SLC26A2: variants seen among roughly 807,000 people sequenced by gnomAD.
The protein encoded by SLC26A2 is sulfate transporter.
A neutral mutation model predicts 41.1 loss-of-function variants in SLC26A2; 36 were observed. That is an observed-to-expected ratio of 0.88 (90% CI 0.67 to 1.16). SLC26A2 has a LOEUF of 1.16. SLC26A2 is among the 50% of genes most tolerant of loss of function. SLC26A2 has a pLI of 0.00. For missense variants in SLC26A2, 796 were observed against 869.6 expected, an observed-to-expected ratio of 0.92 and a Z score of 1.07; for synonymous variants, 291 against 311.6, an observed-to-expected ratio of 0.93 and a Z score of 0.70.
At position 149,982,933 on chromosome 5, in the gene SLC26A2, A is replaced by G. The variant is rs989280215; in HGVS notation, c.*1120A>G. 1 of 152,186 alleles carries G rather than the reference A, an allele frequency of 6.6e-6. No homozygotes were observed. The highest frequency in any genetic ancestry group is 1.5e-5 in the Non-Finnish European group (1 of 68,016). The allele number at this position is 152,186 out of a possible 1,614,324, so 9.4% of individuals were successfully genotyped here. ...CAAGAATGTCCAACACTGAAAGTTTATAGTTTTATATTTGGACCTTGAAAG... is the reference window on the plus strand; with the variant it reads ...CAAGAATGTCCAACACTGAAAGTTTGTAGTTTTATATTTGGACCTTGAAAG... On this transcript the variant is annotated 3_prime_UTR_variant, in exon 3 of 3. Coordinates refer to ENST00000286298, the MANE Select transcript of SLC26A2 (RefSeq NM_000112.4).
rs767534399 is a variant in SLC26A2, at chr5:149,981,643, G to C, written c.2050G>C (p.Ala684Pro). 2.5e-6 allele frequency: 4 copies of C among 1,614,050 alleles called. No individual in the cohort carries two copies. Among genetic ancestry groups the C allele is most frequent in the Non-Finnish European group, 3.4e-6 (4 of 1,179,984 alleles). The change falls in exon 3 of 3, where the codon GCT (alanine) becomes CCT (proline). Residue 684 changes from alanine to proline, a missense_variant. By Grantham distance (27) the Ala-to-Pro change is conservative. Coordinates refer to ENST00000286298, the MANE Select transcript of SLC26A2 (RefSeq NM_000112.4). ...AGCCATTGGAATCCAGGTTCTGCTG[G>C]CTCAGTGCAATCCCACTGTGAGGGA... is the stretch of plus-strand genomic sequence containing the variant. ...YEAIGIQVLLAQCNPTVRDSL... is the reference protein window; with the variant it reads ...YEAIGIQVLLPQCNPTVRDSL...
chr5:149,974,267 A>G (rs1754953313), intron 1 of SLC26A2, among the ~76,000 whole-genome samples: 1 of 152,072 alleles, frequency 6.6e-6, no homozygotes, highest in South Asian at 2.1e-4. Context: ...TAAGTAATAT[A>G]TGTTTTTTCT....
chr5:149,985,588 C>T lies in SLC26A2; in HGVS notation c.*3775C>T, dbSNP rs971746047. 6.6e-6 allele frequency: 1 copy of T among 152,102 alleles called. No individual in the cohort carries two copies. The highest frequency in any genetic ancestry group is 1.5e-5 in the Non-Finnish European group (1 of 68,026). 9.4% of individuals were successfully genotyped at this position (152,102 alleles called of 1,614,324 possible). A position where few individuals can be genotyped will look rare whatever the true frequency, so the allele number is the denominator to read the frequency against. On this transcript the variant is annotated 3_prime_UTR_variant, in exon 3 of 3. Transcript: ENST00000286298. The stretch of plus-strand genomic sequence containing the variant: ...AGAACATGTTAGGGTTAGCCCTGAT[C>T]TGAATATAAAAGTGAGAAAAGGGCT...
At chr5:149,963,455 T>C (rs1336681361) in intron 1 of SLC26A2, among the ~76,000 whole-genome samples, 3 of 152,118 alleles carry the variant, frequency 2.0e-5, no homozygotes, top group African/African-American at 7.2e-5. Context: ...ATCTTTTTAT[T>C]TTTAGTAGAG....
chr5:149,961,340 A>G (rs1754701667), intron 1 of SLC26A2, among the ~76,000 whole-genome samples: 1 of 152,210 alleles, frequency 6.6e-6, no homozygotes, highest in African/African-American at 2.4e-5. Flanking sequence ...GATAGGAGCC[A>G]CCACCACCTC....
At position 149,982,563 on chromosome 5, in the gene SLC26A2, C is replaced by T. The variant is rs1202747127; in HGVS notation, c.*750C>T. On this transcript the variant is annotated 3_prime_UTR_variant, in exon 3 of 3. Coordinates refer to ENST00000286298, the MANE Select transcript of SLC26A2 (RefSeq NM_000112.4). ...ATCAGAAAAAACAATAGGAGTCCTTCCTTGTCTTTTCTGTGATCTCTGTCC... is the reference window on the plus strand; with the variant it reads ...ATCAGAAAAAACAATAGGAGTCCTTTCTTGTCTTTTCTGTGATCTCTGTCC... 1 of 152,198 alleles carries T rather than the reference C, an allele frequency of 6.6e-6. No homozygotes were observed. Among genetic ancestry groups the T allele is most frequent in the African/African-American group, 2.4e-5 (1 of 41,450 alleles). 9.4% of individuals were successfully genotyped at this position (152,198 alleles called of 1,614,324 possible). A position where few individuals can be genotyped will look rare whatever the true frequency, so the allele number is the denominator to read the frequency against.
chr5:149,976,868 A>C (rs1755000132), intron 1 of SLC26A2, among the ~76,000 whole-genome samples: 1 of 152,206 alleles, frequency 6.6e-6, no homozygotes, highest in East Asian at 1.9e-4. Flanking sequence ...GGCCCTGCCC[A>C]CAGGGCAGAT....
rs772074266 is a variant in SLC26A2, at chr5:149,981,229, A to G, written c.1636A>G (p.Thr546Ala). Residue 546 changes from threonine to alanine, a missense_variant, in exon 3 of 3, where the codon ACT (threonine) becomes GCT (alanine). Coordinates refer to ENST00000286298, the MANE Select transcript of SLC26A2 (RefSeq NM_000112.4). ...TTCTATATTTTGTGTCATCCTCCGC[A>G]CTCAGAAGCCAAAGAGTTCACTGCT... ...CFSIFCVILRTQKPKSSLLGL... is the reference protein window; with the variant it reads ...CFSIFCVILRAQKPKSSLLGL... 11 of 1,614,090 alleles carry G rather than the reference A, an allele frequency of 6.8e-6. No homozygotes were observed. The South Asian group carries it at 1.1e-4, about 16-fold the overall frequency.
In SLC26A2 at chr5:149,981,660, T is replaced by C. The variant is rs1031947295; in HGVS notation, c.2067T>C (p.Thr689=). Residue 689 remains threonine, a synonymous_variant, in exon 3 of 3, where the codon ACT becomes ACC. Transcript: ENST00000286298. The part of the protein sequence containing the change: ...IQVLLAQCNP[T]VRDSLTNGEY... Reference sequence around the variant, plus strand: ...TTCTGCTGGCTCAGTGCAATCCCACTGTGAGGGATTCCCTAACCAACGGAG... The same window carrying C: ...TTCTGCTGGCTCAGTGCAATCCCACCGTGAGGGATTCCCTAACCAACGGAG... 8 of 1,613,658 alleles carry C rather than the reference T, an allele frequency of 5.0e-6. No homozygotes were observed. The highest frequency in any genetic ancestry group is 6.8e-6 in the Non-Finnish European group (8 of 1,179,744).
In SLC26A2 at chr5:149,986,704, A is replaced by G. The variant is rs578249923; in HGVS notation, c.*4891A>G. ...AGTCTAAAAACTGGAATAATGAAGG[A>G]CACTAAATGCCTTTATTGTAGATAC... On this transcript the variant is annotated 3_prime_UTR_variant, in exon 3 of 3. Transcript: ENST00000286298. 2.6e-5 allele frequency: 4 copies of G among 152,320 alleles called. No individual in the cohort carries two copies. The South Asian group carries it at 8.3e-4, about 32-fold the overall frequency. The allele number at this position is 152,320 out of a possible 1,614,324, so 9.4% of individuals were successfully genotyped here.
chr5:149,978,260 T>C lies in SLC26A2; in HGVS notation c.608T>C (p.Leu203Ser). 6.2e-7 allele frequency: 1 copy of C among 1,614,150 alleles called. No homozygotes were observed. Among genetic ancestry groups the C allele is most frequent in the Non-Finnish European group, 8.5e-7 (1 of 1,179,986 alleles). Residue 203 changes from leucine (L) to serine (S), a missense_variant, in exon 2 of 3, where the codon TTA becomes TCA. Leu to Ser is a moderately radical substitution (Grantham distance 145, BLOSUM62 -2). Coordinates refer to ENST00000286298, the MANE Select transcript of SLC26A2 (RefSeq NM_000112.4). ...GGAATGGTTTCAAATGGGAGCACAT[T>C]ATTAAATCATACATCAGACAGGATA... ...SLGMVSNGST[L>S]LNHTSDRICD...
chr5:149,981,055 A>G lies in SLC26A2; in HGVS notation c.1462A>G (p.Ile488Val), dbSNP rs757709677. 6.2e-7 allele frequency: 1 copy of G among 1,614,048 alleles called. No homozygotes were observed. The highest frequency in any genetic ancestry group is 1.3e-5 in the African/African-American group (1 of 74,918). ...AAAAAGTGTCCTTGGTGTGATCACA[A>G]TTGTAAATCTACGGGGAGCCCTTCG... ...LQKSVLGVIT[I>V]VNLRGALRKF... is the part of the protein sequence containing the mutation. The change falls in exon 3 of 3, where the codon ATT (isoleucine) becomes GTT (valine). Residue 488 changes from isoleucine to valine, a missense_variant. By Grantham distance (29) the Ile-to-Val change is conservative. Coordinates refer to ENST00000286298, the MANE Select transcript of SLC26A2 (RefSeq NM_000112.4).
intron 1 of SLC26A2, among the ~76,000 whole-genome samples, chr5:149,967,145 A>G (rs951216295): frequency 3.3e-5 from 5 of 152,254 alleles, no homozygotes; most frequent in Admixed American, 2.6e-4. Context: ...TCTGAGCAAC[A>G]GAGTGAGACT....
rs2113699563 is a variant in SLC26A2, at chr5:149,981,586, C to CA, written c.1994dup (p.His665GlnfsTer11). Reference sequence around the variant, plus strand: ...TCAATTTTTAGATACAGCAGGGATCCACACACTGAAAGAAGTTCGCAGAGA... The same window carrying CA: ...TCAATTTTTAGATACAGCAGGGATCCAACACACTGAAAGAAGTTCGCAGAGA... On this transcript the variant is annotated frameshift_variant, in exon 3 of 3. Transcript: ENST00000286298. LOFTEE classifies it high-confidence loss of function. 6.2e-7 allele frequency: 1 copy of CA among 1,613,866 alleles called. No individual in the cohort carries two copies. The highest frequency in any genetic ancestry group is 8.5e-7 in the Non-Finnish European group (1 of 1,179,908).
At chr5:149,976,514 AG>A (rs1482838149) in intron 1 of SLC26A2, among the ~76,000 whole-genome samples, 1 of 152,240 alleles carries the variant, frequency 6.6e-6, no homozygotes, top group Non-Finnish European at 1.5e-5. Flanking sequence ...GGCCATTCTA[AG>A]CTAAGTAAAC....
Position 149,978,275 on chromosome 5 carries a change from C to T in SLC26A2, c.623C>T (p.Ser208Leu), listed in dbSNP as rs2113696278. The change falls in exon 2 of 3, where the codon TCA becomes TTA. Residue 208 changes from serine (S) to leucine (L), a missense_variant. Ser to Leu is a moderately radical substitution (Grantham distance 145). Transcript: ENST00000286298. ...SNGSTLLNHT[S>L]DRICDKSCYA... ...GGGAGCACATTATTAAATCATACAT[C>T]AGACAGGATATGTGACAAAAGTTGC... The T allele has an allele frequency of 6.2e-7, 1 of 1,614,090 alleles. No homozygotes were observed. Among genetic ancestry groups the T allele is most frequent in the Non-Finnish European group, 8.5e-7 (1 of 1,179,986 alleles).
Position 149,981,786 on chromosome 5 carries a change from C to T in SLC26A2, c.2193C>T (p.Pro731=), listed in dbSNP as rs2113699885. The T allele has an allele frequency of 1.2e-6, 2 of 1,612,506 alleles. No homozygotes were observed. The highest frequency in any genetic ancestry group is 1.1e-5 in the South Asian group (1 of 90,880). ...VSKNQKGVCV[P]NGLSLSSD is the part of the protein sequence containing the mutation. Reference sequence around the variant, plus strand: ...AAAATCAGAAAGGAGTATGTGTTCCCAATGGTCTGAGTCTTAGTAGTGATT... The same window carrying T: ...AAAATCAGAAAGGAGTATGTGTTCCTAATGGTCTGAGTCTTAGTAGTGATT... Residue 731 remains proline (P), a synonymous_variant, in exon 3 of 3, where the codon CCC becomes CCT. Coordinates refer to ENST00000286298, the MANE Select transcript of SLC26A2 (RefSeq NM_000112.4).
intron 1 of SLC26A2, among the ~76,000 whole-genome samples, chr5:149,967,391 C>G (rs1238372270): frequency 2.6e-5 from 4 of 152,216 alleles, no homozygotes; most frequent in South Asian, 2.1e-4. Context: ...TTTGTAATCT[C>G]TCTCTCCTAC....
chr5:149,980,329 G>A lies in SLC26A2; in HGVS notation c.736G>A (p.Val246Ile). The change falls in exon 3 of 3, where the codon GTC (valine) becomes ATC (isoleucine). Residue 246 changes from valine to isoleucine, a missense_variant. By Grantham distance (29) the Val-to-Ile change is conservative (BLOSUM62 3). Transcript: ENST00000286298. ...CTTCTTTCAAGTGGGTTTTGTTTCT[G>A]TCTACCTCTCAGATGCCTTGCTGAG... The part of the protein sequence containing the change: ...MGFFQVGFVS[V>I]YLSDALLSGF... 1.2e-6 allele frequency: 2 copies of A among 1,614,018 alleles called. No individual in the cohort carries two copies. Among genetic ancestry groups the A allele is most frequent in the Non-Finnish European group, 1.7e-6 (2 of 1,179,972 alleles).
Sources: allele counts gnomAD v4.1 joint callset (sites outside exome capture counted in the v4.1 genomes callset), GRCh38; gene constraint gnomAD v4.1.1; transcripts MANE v1.5; gene names NCBI Gene and HGNC (gene_info 2026-07-23, HGNC 2026-07-21).